Variants in SEMA3A observed in about 807,000 individuals in gnomAD.
SEMA3A encodes semaphorin-3A.
A neutral mutation model predicts 97.9 loss-of-function variants in SEMA3A; 29 were observed. The observed-to-expected ratio is 0.30, with a 90% CI of 0.22 to 0.40. SEMA3A has a LOEUF of 0.40. Ranked by LOEUF, SEMA3A falls within the 10% of genes least tolerant of loss-of-function variation. The pLI is 1.00. For synonymous variants in SEMA3A, 321 were observed against 323.7 expected (o/e 0.99, Z 0.09); for missense variants, 763 against 951.3 (o/e 0.80, Z 2.60).
intron 1 of SEMA3A, among the ~76,000 whole-genome samples, chr7:84,152,329 T>C (rs1796697914): frequency 7.2e-6 from 1 of 138,502 alleles, no homozygotes; most frequent in Non-Finnish European, 1.6e-5. Context: ...TAAGAAAATG[T>C]GGCACATATA....
intron 1 of SEMA3A, among the ~76,000 whole-genome samples, chr7:84,486,379 T>C (rs1481325034): frequency 6.6e-6 from 1 of 152,152 alleles, no homozygotes; most frequent in Non-Finnish European, 1.5e-5. Flanking sequence ...AGGGCGAGAT[T>C]CTGTCTCAAA....
In SEMA3A at chr7:84,011,007, T is replaced by TA. The variant is rs1790853284; in HGVS notation, c.995+14dup. On this transcript the variant is annotated intron_variant, in intron 9 of 16. Transcript: ENST00000265362. ...TAACATTAAGTTTCTATAAGGTAGT[T>TA]AAAAAGTTACTTACCTGGAAGTCGT... is the stretch of plus-strand genomic sequence containing the variant. 1 of 1,576,622 alleles carries TA rather than the reference T, an allele frequency of 6.3e-7. No individual in the cohort carries two copies.
At position 84,170,584 on chromosome 7, in the gene SEMA3A, A is replaced by G. The variant is rs535228122; in HGVS notation, c.112+23891T>C. The stretch of plus-strand genomic sequence containing the variant: ...TTATATGGAGAGAGTTTTCAAATGG[A>G]ATACAACAACTGAAAATTATTTTAG... On this transcript the variant is annotated intron_variant, in intron 1 of 16. Coordinates refer to ENST00000265362, the MANE Select transcript of SEMA3A (RefSeq NM_006080.3). Among the ~76,000 whole-genome samples the G allele has an allele frequency of 1.4e-4, 22 of 152,166 alleles. No homozygotes were observed. The South Asian group carries it at 4.6e-3, about 32-fold the overall frequency.
chr7:84,135,942 C>G (rs1442606831), intron 1 of SEMA3A, among the ~76,000 whole-genome samples: 1 of 152,120 alleles, frequency 6.6e-6, no homozygotes, highest in Non-Finnish European at 1.5e-5. Flanking sequence ...TATACCTATA[C>G]TTTAGTGACA....
At chr7:84,172,465 C>G (rs1797414574) in intron 1 of SEMA3A, among the ~76,000 whole-genome samples, 1 of 152,098 alleles carries the variant, frequency 6.6e-6, no homozygotes. Context: ...CTCTGTCACC[C>G]AGGCTGGAGT....
At chr7:84,403,469 G>T (rs879628270) in intron 1 of SEMA3A, among the ~76,000 whole-genome samples, 20 of 152,216 alleles carry the variant, frequency 1.3e-4, no homozygotes, top group Non-Finnish European at 2.6e-4. Flanking sequence ...ACCTCTGGGG[G>T]CAGGGCACAG....
At chr7:83,965,359 A>G (rs1352617538) in intron 15 of SEMA3A, among the ~76,000 whole-genome samples, 1 of 151,448 alleles carries the variant, frequency 6.6e-6, no homozygotes, top group Non-Finnish European at 1.5e-5. Flanking sequence ...TTAGAAACAA[A>G]CAACCCAGTG....
chr7:84,101,904 A>C (rs1239564067), intron 4 of SEMA3A, among the ~76,000 whole-genome samples: 2 of 152,022 alleles, frequency 1.3e-5, no homozygotes. Context: ...TACAAAAAAT[A>C]ATGTCAATGT....
intron 1 of SEMA3A, among the ~76,000 whole-genome samples, chr7:84,471,092 C>T (rs1806133577): frequency 6.6e-6 from 1 of 152,036 alleles, no homozygotes; most frequent in South Asian, 2.1e-4. Context: ...AGGTTCATAA[C>T]CAGCAATACA....
At chr7:84,181,050 T>C (rs1360227573) in intron 1 of SEMA3A, among the ~76,000 whole-genome samples, 3 of 152,082 alleles carry the variant, frequency 2.0e-5, no homozygotes, top group Non-Finnish European at 4.4e-5. Flanking sequence ...TATGAACTTA[T>C]GCTTTTTCTT....
chr7:84,392,499 T>G (rs1340365669), intron 1 of SEMA3A, among the ~76,000 whole-genome samples: 2 of 152,190 alleles, frequency 1.3e-5, no homozygotes, highest in African/African-American at 2.4e-5. Context: ...TTCCATACCT[T>G]GGCTATTGTG....
intron 12 of SEMA3A, among the ~76,000 whole-genome samples, chr7:83,998,137 A>G (rs1790293807): frequency 6.6e-6 from 1 of 152,112 alleles, no homozygotes; most frequent in African/African-American, 2.4e-5. Context: ...TCTAATAGAT[A>G]TTAAGTACTT....
chr7:84,466,691 C>T (rs1806007900), intron 1 of SEMA3A, among the ~76,000 whole-genome samples: 1 of 152,182 alleles, frequency 6.6e-6, no homozygotes, highest in African/African-American at 2.4e-5. Context: ...TATGCCTGCA[C>T]AGGCCAACCT....
chr7:84,065,057 A>G (rs1485223073), intron 4 of SEMA3A, among the ~76,000 whole-genome samples: 2 of 150,136 alleles, frequency 1.3e-5, no homozygotes, highest in East Asian at 1.9e-4. Context: ...AACAGAAATT[A>G]TAACAAACTA....
chr7:84,020,598 A>G (rs1445466300), intron 6 of SEMA3A, among the ~76,000 whole-genome samples: 1 of 151,956 alleles, frequency 6.6e-6, no homozygotes, highest in Admixed American at 6.6e-5. Flanking sequence ...TCCTCTTGAA[A>G]CTGCTTCTGC....
Position 83,972,169 on chromosome 7 carries a change from T to C in SEMA3A, c.1717+4963A>G, listed in dbSNP as rs191732493. On this transcript the variant is annotated intron_variant, in intron 15 of 16. Transcript: ENST00000265362. ...TAATTTTATTATTCATAAATATTTT[T>C]TGCAGTAGAGTCACCAGTATCTTAC... 1.5e-4 allele frequency among the ~76,000 whole-genome samples: 23 copies of C among 152,116 alleles called. No homozygotes were observed. In the East Asian group the frequency reaches 4.4e-3, roughly 29 times the overall value.
chr7:84,057,436 A>G (rs1329147168), intron 5 of SEMA3A, among the ~76,000 whole-genome samples: 1 of 152,162 alleles, frequency 6.6e-6, no homozygotes, highest in Non-Finnish European at 1.5e-5. Flanking sequence ...AAACAAATTC[A>G]TAAAAAAAAT....
chr7:84,348,649 T>G (rs958752670), intron 2 of SEMA3A, among the ~76,000 whole-genome samples: 1 of 152,160 alleles, frequency 6.6e-6, no homozygotes, highest in Non-Finnish European at 1.5e-5. Context: ...GGGGCTAGTG[T>G]CTGGAGACTG....
chr7:84,212,835 A>G lies in SEMA3A; in HGVS notation c.-82-18167T>C, dbSNP rs541268772. ...TGTAATAGCTTAATTGTTTATACAT[A>G]TCTGCATATGTGTGTTTATCAAAAT... is the stretch of plus-strand genomic sequence containing the variant. On this transcript the variant is annotated intron_variant, in intron 3 of 3. Coordinates refer to the SEMA3A transcript ENST00000424555. 2.6e-5 allele frequency among the ~76,000 whole-genome samples: 4 copies of G among 152,288 alleles called. No homozygotes were observed. In the East Asian group the frequency reaches 5.8e-4, roughly 22 times the overall value.
Sources: allele counts gnomAD v4.1 joint callset (sites outside exome capture counted in the v4.1 genomes callset), GRCh38; gene constraint gnomAD v4.1.1; transcripts MANE v1.5; gene names NCBI Gene and HGNC (gene_info 2026-07-23, HGNC 2026-07-21).